Variants in MSH4 observed in about 807,000 individuals in gnomAD.
MSH4 encodes the protein mutS homolog 4.
In MSH4, 106 loss-of-function variants were observed where a neutral mutation model predicts 113.7. The observed-to-expected ratio is 0.93, with a 90% CI of 0.80 to 1.10. The LOEUF (loss-of-function observed/expected upper bound fraction) is 1.10, where lower values mean the gene tolerates loss of function less well. MSH4 is among the 50% of genes least tolerant of loss of function. MSH4 has a pLI of 0.00. For missense variants in MSH4, 1,061 were observed against 1,093.7 expected, an observed-to-expected ratio of 0.97 and a Z score of 0.42; for synonymous variants, 368 against 380.2, an observed-to-expected ratio of 0.97 and a Z score of 0.37.
rs1652426380 is a variant in MSH4 at position 75,898,203 on chromosome 1, A to G, written c.2530+122A>G. 5 of 546,288 alleles carry G rather than the reference A, an allele frequency of 9.2e-6. No homozygotes were observed. In the South Asian group the frequency reaches 2.2e-4, roughly 24 times the overall value. The allele number at this position is 546,288 out of a possible 1,614,324, so 33.8% of individuals were successfully genotyped here. A position where few individuals can be genotyped will look rare whatever the true frequency, so the allele number is the denominator to read the frequency against. On this transcript the variant is annotated intron_variant, in intron 18 of 19. Transcript: ENST00000263187. ...AATTTTCTCATTCTTTTGAGTGCTT[A>G]TATTCTCTTAGATTGTATTTTCTAT...
chr1:75,842,584 CT>C (rs2100541657), intron 7 of MSH4, among the ~76,000 whole-genome samples: 3 of 152,244 alleles, frequency 2.0e-5, no homozygotes, highest in Admixed American at 2.0e-4. Flanking sequence ...TAATCATACC[CT>C]AGGAAAAACC....
chr1:75,806,844 G>T, intron 2 of MSH4, 137 bp from the exon 3 acceptor site: 1 of 695,450 alleles, frequency 1.4e-6, no homozygotes, highest in Non-Finnish European at 2.2e-6. Flanking sequence ...CCTTTAGGGA[G>T]AATTGAAATA....
At chr1:75,906,708 A>G (rs1272039415) in intron 19 of MSH4, among the ~76,000 whole-genome samples, 1 of 147,960 alleles carries the variant, frequency 6.8e-6, no homozygotes, top group East Asian at 2.0e-4. Flanking sequence ...GGAAAAACTG[A>G]AACACTCCGT....
chr1:75,883,468 G>C (rs923738009), intron 14 of MSH4, among the ~76,000 whole-genome samples, 153 bp from the exon 15 acceptor site: 3 of 151,902 alleles, frequency 2.0e-5, no homozygotes, highest in Non-Finnish European at 4.4e-5. Context: ...AGAAGAATTT[G>C]GGTGGGGATT....
At chr1:75,805,454 C>T (rs1201015336) in intron 2 of MSH4, among the ~76,000 whole-genome samples, 1 of 149,830 alleles carries the variant, frequency 6.7e-6, no homozygotes, top group Non-Finnish European at 1.5e-5. Context: ...GTGGCACCAT[C>T]TCGGCTCATT....
chr1:75,817,599 T>C (rs1650320175), intron 6 of MSH4, among the ~76,000 whole-genome samples: 2 of 152,160 alleles, frequency 1.3e-5, no homozygotes, highest in Non-Finnish European at 2.9e-5. Context: ...AAAGGAACAA[T>C]TGAAAAGTCT....
chr1:75,879,225 T>C (rs1651879757), intron 12 of MSH4, 97 bp downstream of exon 12: 1 of 1,145,200 alleles, frequency 8.7e-7, no homozygotes, highest in Non-Finnish European at 1.3e-6. Flanking sequence ...GCCAAATTTC[T>C]GAATGTTCTG....
intron 7 of MSH4, among the ~76,000 whole-genome samples, chr1:75,833,519 T>C (rs1650756541): frequency 6.6e-6 from 1 of 152,188 alleles, no homozygotes; most frequent in South Asian, 2.1e-4. Context: ...GGCATCACGC[T>C]ACATGACTTC....
Position 75,898,133 on chromosome 1 carries a change from A to T in MSH4, c.2530+52A>T, listed in dbSNP as rs768020706. 4 of 1,222,188 alleles carry T rather than the reference A, an allele frequency of 3.3e-6. No homozygotes were observed. In the African/African-American group the frequency reaches 6.2e-5, roughly 19 times the overall value. 75.7% of individuals were successfully genotyped at this position (1,222,188 alleles called of 1,614,324 possible). A position where few individuals can be genotyped will look rare whatever the true frequency, so the allele number is the denominator to read the frequency against. On this transcript the variant is annotated intron_variant, in intron 18 of 19. Transcript: ENST00000263187. ...ACATTCAAATACTATATATTCTCCTAAGACAAACTTTCATCTCTTCTTTAC... is the reference window on the plus strand; with the variant it reads ...ACATTCAAATACTATATATTCTCCTTAGACAAACTTTCATCTCTTCTTTAC...
At chr1:75,858,889 T>C (rs146247187) in intron 8 of MSH4, among the ~76,000 whole-genome samples, 102 of 152,338 alleles carry the variant, frequency 6.7e-4, no homozygotes, top group African/African-American at 2.3e-3. Flanking sequence ...TGAATCCATC[T>C]GGTCCTGGAC....
In MSH4 at chr1:75,912,966, C is replaced by T; in HGVS notation, c.*79C>T. 2 of 858,490 alleles carry T rather than the reference C, an allele frequency of 2.3e-6. No homozygotes were observed. The highest frequency in any genetic ancestry group is 3.3e-6 in the Non-Finnish European group (2 of 615,180). The allele number at this position is 858,490 out of a possible 1,614,324, so 53.2% of individuals were successfully genotyped here. On this transcript the variant is annotated 3_prime_UTR_variant, in exon 20 of 20. Coordinates refer to ENST00000263187, the MANE Select transcript of MSH4 (RefSeq NM_002440.4). ...TTCTCCTTAGAGATAAGGAAAATAACATTTGCCAAATTTCATATTTTAATT... is the reference window on the plus strand; with the variant it reads ...TTCTCCTTAGAGATAAGGAAAATAATATTTGCCAAATTTCATATTTTAATT...
chr1:75,840,502 C>T (rs1375859220), intron 7 of MSH4, among the ~76,000 whole-genome samples: 6 of 121,610 alleles, frequency 4.9e-5, no homozygotes, highest in African/African-American at 1.3e-4. Flanking sequence ...GGGAACATCA[C>T]ACTCTGGGGA....
intron 8 of MSH4, 127 bp downstream of exon 8, chr1:75,848,403 G>A: frequency 1.4e-6 from 1 of 710,742 alleles, no homozygotes; most frequent in Non-Finnish European, 2.4e-6. Flanking sequence ...GATATCTGGA[G>A]TATTTTATGC....
At chr1:75,897,766 C>T in intron 17 of MSH4, 141 bp from the exon 18 acceptor site, 1 of 442,978 alleles carries the variant, frequency 2.3e-6, no homozygotes. Context: ...TAATGTTAGC[C>T]TCCAAATTAT....
At chr1:75,885,049 G>GTATATATATATATATATATA (rs1431311570) in intron 15 of MSH4, among the ~76,000 whole-genome samples, 2 of 109,072 alleles carry the variant, frequency 1.8e-5, no homozygotes, top group African/African-American at 9.2e-5. Context: ...GTGTGTGTGT[G>GTATATATATATATATATATA]TGTGTGTGTG....
chr1:75,804,232 T>C (rs1438666820), intron 2 of MSH4, among the ~76,000 whole-genome samples: 1 of 152,064 alleles, frequency 6.6e-6, no homozygotes, highest in Admixed American at 6.6e-5. Context: ...TAGTGAGTGG[T>C]TTTTTTATAC....
intron 8 of MSH4, among the ~76,000 whole-genome samples, chr1:75,860,177 C>A (rs1651423288): frequency 6.6e-6 from 1 of 152,032 alleles, no homozygotes; most frequent in South Asian, 2.1e-4. Context: ...TGATGGGTCT[C>A]CTGAATACAG....
At chr1:75,865,923 A>G (rs1651552862) in intron 8 of MSH4, among the ~76,000 whole-genome samples, 1 of 152,162 alleles carries the variant, frequency 6.6e-6, no homozygotes, top group Non-Finnish European at 1.5e-5. Flanking sequence ...TCATAATTCT[A>G]CTGGTACTAT....
chr1:75,881,474 TAG>T (rs1651931919), intron 14 of MSH4, 104 bp downstream of exon 14: 2 of 1,192,684 alleles, frequency 1.7e-6, no homozygotes, highest in African/African-American at 1.6e-5. Flanking sequence ...TAACTTGAAA[TAG>T]AGTCTCTTGC....
Sources: gnomAD v4.1 joint callset for allele counts (sites outside exome capture counted in the v4.1 genomes callset) on GRCh38, gnomAD v4.1.1 for gene constraint, MANE v1.5 for transcripts, NCBI Gene and HGNC (gene_info 2026-07-23, HGNC 2026-07-21) for gene names.